Variants in DGKB observed in about 807,000 individuals in gnomAD.
DGKB encodes 90 kDa diacylglycerol kinase.
Under a neutral mutation model 114.3 loss-of-function variants are expected in DGKB, and 67 were observed. The ratio of observed to expected loss-of-function variants is 0.59; its 90% CI spans 0.48 to 0.72. The LOEUF (loss-of-function observed/expected upper bound fraction) is 0.72, where lower values mean the gene tolerates loss of function less well. Among genes scored for constraint, DGKB ranks in the 30% least tolerant of loss-of-function variants. The probability of loss-of-function intolerance (pLI) is 0.00; values close to 1 mark genes in which losing one functional copy is unlikely to be tolerated. For missense variants in DGKB, 907 were observed against 975.2 expected (o/e 0.93, Z 0.93); for synonymous variants, 398 against 323.1 (o/e 1.23, Z -2.49).
At chr7:14,232,866 T>C (rs974814932) in intron 23 of DGKB, among the ~76,000 whole-genome samples, 3 of 152,012 alleles carry the variant, frequency 2.0e-5, no homozygotes, top group Admixed American at 2.0e-4. Context: ...TCTGTTTTAG[T>C]GACAAATTCT....
At chr7:14,377,690 T>G (rs1306617965) in intron 21 of DGKB, among the ~76,000 whole-genome samples, 3 of 152,212 alleles carry the variant, frequency 2.0e-5, no homozygotes, top group Non-Finnish European at 4.4e-5. Flanking sequence ...GCCCCCAAGA[T>G]GCCTGTGGGA....
intron 1 of DGKB, among the ~76,000 whole-genome samples, chr7:14,970,631 A>C (rs186812307): frequency 2.0e-5 from 3 of 152,262 alleles, no homozygotes; most frequent in Admixed American, 2.0e-4. Context: ...CATCAATCAC[A>C]AAGTGAAAGC....
At chr7:14,457,574 C>T (rs149507281) in intron 21 of DGKB, among the ~76,000 whole-genome samples, 20 of 152,298 alleles carry the variant, frequency 1.3e-4, no homozygotes, top group African/African-American at 4.8e-4. Flanking sequence ...TTATTTCAGA[C>T]ATTTTGCATT....
chr7:14,241,811 T>A (rs538288653), intron 23 of DGKB, among the ~76,000 whole-genome samples: 1 of 152,094 alleles, frequency 6.6e-6, no homozygotes, highest in East Asian at 1.9e-4. Flanking sequence ...ACTAACATTA[T>A]AACATGACTG....
At chr7:14,159,623 G>A (rs530156660) in intron 25 of DGKB, among the ~76,000 whole-genome samples, 26 of 152,142 alleles carry the variant, frequency 1.7e-4, no homozygotes, top group Non-Finnish European at 3.4e-4. Flanking sequence ...CAGCTTCATA[G>A]AGATGGAATT....
chr7:14,856,226 G>T (rs1239363670), intron 1 of DGKB, among the ~76,000 whole-genome samples: 1 of 152,028 alleles, frequency 6.6e-6, no homozygotes, highest in African/African-American at 2.4e-5. Flanking sequence ...ATTTCTAAGA[G>T]TCGTAAAATT....
At chr7:14,489,702 G>C (rs923190428) in intron 20 of DGKB, among the ~76,000 whole-genome samples, 1 of 152,126 alleles carries the variant, frequency 6.6e-6, no homozygotes, top group African/African-American at 2.4e-5. Context: ...TGACCAAAGC[G>C]GTATGAGTGG....
At chr7:14,784,042 T>C (rs1283704471) in intron 2 of DGKB, among the ~76,000 whole-genome samples, 3 of 152,194 alleles carry the variant, frequency 2.0e-5, no homozygotes, top group Non-Finnish European at 4.4e-5. Flanking sequence ...ATAAATATAA[T>C]GTTGAGTTTT....
intron 21 of DGKB, among the ~76,000 whole-genome samples, chr7:14,356,241 T>A (rs1814461779): frequency 1.3e-5 from 2 of 152,024 alleles, no homozygotes; most frequent in African/African-American, 4.8e-5. Flanking sequence ...CTGGATTCAT[T>A]TATTTTTTGA....
intron 23 of DGKB, among the ~76,000 whole-genome samples, chr7:14,324,446 C>CAAAAA (rs5882440): frequency 8.4e-6 from 1 of 118,674 alleles, no homozygotes; most frequent in Non-Finnish European, 1.7e-5. Flanking sequence ...GACTCTGTCT[C>CAAAAA]AAAAAAAAAA....
intron 23 of DGKB, among the ~76,000 whole-genome samples, chr7:14,330,334 G>T (rs141874123): frequency 7.9e-5 from 12 of 151,954 alleles, no homozygotes; most frequent in Non-Finnish European, 1.5e-4. Flanking sequence ...TTCATTAGGT[G>T]ATAGAGAGTT....
intron 21 of DGKB, among the ~76,000 whole-genome samples, chr7:14,476,547 A>G (rs1782195773): frequency 1.3e-5 from 2 of 152,162 alleles, no homozygotes; most frequent in South Asian, 2.1e-4. Context: ...AACCAGAGTT[A>G]TAAAATTTGT....
At chr7:14,757,867 T>A in intron 2 of DGKB, 136 bp from the exon 3 acceptor site, 1 of 522,780 alleles carries the variant, frequency 1.9e-6, no homozygotes. Flanking sequence ...ACATAAAATA[T>A]CTCTTGCCAT....
intron 1 of DGKB, among the ~76,000 whole-genome samples, chr7:14,890,774 T>C (rs1459340353): frequency 6.6e-6 from 1 of 151,158 alleles, no homozygotes; most frequent in Non-Finnish European, 1.5e-5. Context: ...GACTCCATGC[T>C]TGTTCTTGTC....
chr7:14,484,676 C>T (rs919237771), intron 20 of DGKB, among the ~76,000 whole-genome samples: 5 of 152,140 alleles, frequency 3.3e-5, no homozygotes, highest in Admixed American at 6.6e-5. Flanking sequence ...AATTACCCAG[C>T]CTCAGGTGTT....
intron 25 of DGKB, among the ~76,000 whole-genome samples, chr7:14,170,174 AAAGAAAGAAAG>A (rs1780751133): frequency 6.8e-6 from 1 of 147,924 alleles, no homozygotes; most frequent in Non-Finnish European, 1.5e-5. Context: ...AGAAAGAAAG[AAAGAAAGAAAG>A]AAAGAAAGAA....
chr7:14,457,280 C>T (rs1034471067), intron 21 of DGKB, among the ~76,000 whole-genome samples: 1 of 152,062 alleles, frequency 6.6e-6, no homozygotes, highest in African/African-American at 2.4e-5. Context: ...GGACACCTGC[C>T]ATTAATTTCT....
At chr7:14,164,257 T>G (rs896552590) in intron 25 of DGKB, among the ~76,000 whole-genome samples, 19 of 152,298 alleles carry the variant, frequency 1.2e-4, no homozygotes, top group Admixed American at 1.2e-3. Context: ...TTTCTCCCAC[T>G]CTGGTAAAAT....
intron 6 of DGKB, among the ~76,000 whole-genome samples, chr7:14,702,864 G>T (rs967699023): frequency 4.6e-5 from 7 of 151,958 alleles, no homozygotes; most frequent in Non-Finnish European, 8.8e-5. Flanking sequence ...TCTATATATT[G>T]CTAAAAAGAA....
Sources: gnomAD v4.1 joint callset for allele counts (sites outside exome capture counted in the v4.1 genomes callset) on GRCh38, gnomAD v4.1.1 for gene constraint, MANE v1.5 for transcripts, NCBI Gene and HGNC (gene_info 2026-07-23, HGNC 2026-07-21) for gene names.